Variants in RBFOX3 observed in about 807,000 individuals in gnomAD.
RBFOX3 encodes RNA binding protein fox-1 homolog 3.
A neutral mutation model predicts 48.7 loss-of-function variants in RBFOX3; 17 were observed. That is an observed-to-expected ratio of 0.35 (90% confidence interval 0.24 to 0.52). RBFOX3 has a LOEUF of 0.52. Ranked by LOEUF, RBFOX3 falls within the 20% of genes least tolerant of loss-of-function variation. The pLI is 0.94. For missense variants in RBFOX3, 382 were observed against 497.5 expected, an observed-to-expected ratio of 0.77 and a Z score of 2.21; for synonymous variants, 212 against 209.5, an observed-to-expected ratio of 1.01 and a Z score of -0.10.
chr17:79,638,769 C>A, the RBFOX3 span, among the ~76,000 whole-genome samples: 7 of 152,162 alleles, frequency 4.6e-5, no homozygotes, highest in Non-Finnish European at 7.3e-5. Context: ...GGCACCTCCC[C>A]ACTTGCTCTC....
chr17:79,519,616 C>T (rs62063323), intron 1 of RBFOX3, among the ~76,000 whole-genome samples: 1 of 152,228 alleles, frequency 6.6e-6, no homozygotes, highest in Non-Finnish European at 1.5e-5. Context: ...AAGGTTTGGC[C>T]CTTGACCCTG....
chr17:79,096,944 T>TA lies in RBFOX3; in HGVS notation c.756-112dup, dbSNP rs2075385203. Reference sequence around the variant, plus strand: ...CAGGCAGCTGTGCCCCCCACCCCTTTAGTGATGGAGGGCACCAGACCCCAG... The same window carrying TA: ...CAGGCAGCTGTGCCCCCCACCCCTTTAAGTGATGGAGGGCACCAGACCCCAG... On this transcript the variant is annotated intron_variant, in intron 11 of 14. Coordinates refer to ENST00000693108, the MANE Select transcript of RBFOX3 (RefSeq NM_001350451.2). 5.0e-6 allele frequency: 3 copies of TA among 602,028 alleles called. No homozygotes were observed. The African/African-American group carries it at 5.6e-5, about 11-fold the overall frequency. 37.3% of individuals were successfully genotyped at this position (602,028 alleles called of 1,614,324 possible).
intron 1 of RBFOX3, among the ~76,000 whole-genome samples, chr17:79,594,382 C>T (rs1482529760): frequency 6.6e-6 from 1 of 152,178 alleles, no homozygotes; most frequent in Non-Finnish European, 1.5e-5. Context: ...TGGAGGCACC[C>T]AGGCCATAGC....
the RBFOX3 span, among the ~76,000 whole-genome samples, chr17:79,651,623 T>TCCC: frequency 2.1e-5 from 2 of 96,186 alleles, no homozygotes; most frequent in African/African-American, 6.3e-5. Flanking sequence ...CTTGCCCCCT[T>TCCC]TCCTCTCTCT....
intron 4 of RBFOX3, among the ~76,000 whole-genome samples, chr17:79,179,192 A>G (rs2051290546): frequency 6.6e-6 from 1 of 152,222 alleles, no homozygotes. Context: ...TAGAGGGAAG[A>G]GAGAATGATT....
intron 1 of RBFOX3, among the ~76,000 whole-genome samples, chr17:79,507,712 C>A (rs1329914748): frequency 6.6e-6 from 1 of 152,230 alleles, no homozygotes; most frequent in Non-Finnish European, 1.5e-5. Flanking sequence ...GGTCTCTTCA[C>A]TGATAATGAG....
At position 79,111,601 on chromosome 17, in the gene RBFOX3, AATTTTTGT is replaced by A. The variant is rs2031556448; in HGVS notation, c.222+3885_222+3892del. ...CAGGCACGAGCCACCATGCCCGATT[AATTTTTGT>A]ATTTTTGTAGAGACAGGGTTCCACC... On this transcript the variant is annotated intron_variant, in intron 5 of 14. Coordinates refer to ENST00000693108, the MANE Select transcript of RBFOX3 (RefSeq NM_001350451.2). The surrounding 1 kb of genome is among the most constrained non-coding windows in gnomAD (Gnocchi z 4.2). 6.6e-6 allele frequency among the ~76,000 whole-genome samples: 1 copy of A among 151,936 alleles called. No individual in the cohort carries two copies. Among genetic ancestry groups the A allele is most frequent in the African/African-American group, 2.4e-5 (1 of 41,352 alleles).
intron 4 of RBFOX3, among the ~76,000 whole-genome samples, chr17:79,147,567 C>T (rs2043298931): frequency 6.6e-6 from 1 of 152,152 alleles, no homozygotes; most frequent in South Asian, 2.1e-4. Flanking sequence ...GGGGGGGGCT[C>T]ACCTTCTGGT....
chr17:79,619,636 T>C, the RBFOX3 span, among the ~76,000 whole-genome samples: 1 of 152,056 alleles, frequency 6.6e-6, no homozygotes, highest in East Asian at 1.9e-4. Context: ...TAGGTGGACA[T>C]GAACAGGGGA....
At chr17:79,605,051 G>A (rs2093795642) in intron 1 of RBFOX3, among the ~76,000 whole-genome samples, 1 of 152,206 alleles carries the variant, frequency 6.6e-6, no homozygotes, top group Non-Finnish European at 1.5e-5. Flanking sequence ...TGGATGAGAA[G>A]GACTGCAGTC....
At chr17:79,592,379 G>A (rs2093447343) in intron 1 of RBFOX3, among the ~76,000 whole-genome samples, 1 of 151,790 alleles carries the variant, frequency 6.6e-6, no homozygotes, top group East Asian at 1.9e-4. Flanking sequence ...GGTGTGTGCA[G>A]TGTGTGATAT....
chr17:79,657,516 T>C, the RBFOX3 span, among the ~76,000 whole-genome samples: 19 of 152,254 alleles, frequency 1.2e-4, no homozygotes, highest in Non-Finnish European at 2.5e-4. Flanking sequence ...CTGTCTCTAC[T>C]AAAAATACAA....
chr17:79,180,765 C>A (rs1200157119), intron 4 of RBFOX3, among the ~76,000 whole-genome samples: 1 of 151,554 alleles, frequency 6.6e-6, no homozygotes, highest in African/African-American at 2.4e-5. Context: ...CTAGACCTTT[C>A]CGGAGTCCAC....
intron 2 of RBFOX3, among the ~76,000 whole-genome samples, chr17:79,449,697 G>A (rs559585097): frequency 6.7e-6 from 1 of 148,678 alleles, no homozygotes; most frequent in Non-Finnish European, 1.5e-5. Context: ...TCTGCTGGTG[G>A]ACGTTACATT....
At chr17:79,315,171 C>T (rs1440679557) in intron 2 of RBFOX3, among the ~76,000 whole-genome samples, 1 of 152,168 alleles carries the variant, frequency 6.6e-6, no homozygotes, top group Non-Finnish European at 1.5e-5. Flanking sequence ...GCCTGACGAC[C>T]AAGTAAATGG....
chr17:79,545,031 C>T (rs535346863), intron 1 of RBFOX3, among the ~76,000 whole-genome samples: 1 of 139,850 alleles, frequency 7.2e-6, no homozygotes, highest in Middle Eastern at 3.8e-3. Flanking sequence ...ACAAATAAAA[C>T]TCTTTCCTTC....
rs8081143 is a variant in RBFOX3, at chr17:79,299,266, G to T, written c.-74+8458C>A. Among the ~76,000 whole-genome samples the T allele has an allele frequency of 0.52, 79,385 of 151,584 alleles. 21,048 individuals carry two copies. The highest frequency in any genetic ancestry group is 0.65 in the Middle Eastern group (191 of 292). Reference sequence around the variant, plus strand: ...CACAACCCCGGATGGCATCAGGCTCGGTTAGGGGCTGAGTTTTGTCCCCTC... The same window carrying T: ...CACAACCCCGGATGGCATCAGGCTCTGTTAGGGGCTGAGTTTTGTCCCCTC... On this transcript the variant is annotated intron_variant, in intron 3 of 14. Coordinates refer to ENST00000693108, the MANE Select transcript of RBFOX3 (RefSeq NM_001350451.2). This position sits in a 1 kb window ranked among gnomAD's most constrained non-coding sequence, Gnocchi z 4.5.
chr17:79,591,649 T>C (rs2093418905), intron 1 of RBFOX3, among the ~76,000 whole-genome samples: 1 of 152,170 alleles, frequency 6.6e-6, no homozygotes, highest in South Asian at 2.1e-4. Context: ...TGTTTTCTGT[T>C]GGGTCACCGC....
intron 2 of RBFOX3, among the ~76,000 whole-genome samples, chr17:79,347,710 A>G (rs987488880): frequency 1.2e-4 from 18 of 152,084 alleles, no homozygotes; most frequent in Admixed American, 3.9e-4. Context: ...GTTCCTTTGT[A>G]TATCTTCTTG....
Sources: gnomAD v4.1 joint callset for allele counts (sites outside exome capture counted in the v4.1 genomes callset) on GRCh38, gnomAD v4.1.1 for gene constraint, Gnocchi (gnomAD v3.1) non-coding constraint, MANE v1.5 for transcripts, NCBI Gene and HGNC (gene_info 2026-07-23, HGNC 2026-07-21) for gene names.